The following CACNA1E variants were observed in gnomAD, a reference collection of about 807,000 sequenced individuals.
CACNA1E encodes the protein voltage-dependent R-type calcium channel subunit alpha-1E.
CACNA1E carries 40 observed loss-of-function variants against 259.2 expected under a neutral mutation model. The observed-to-expected ratio is 0.15, with a 90% CI of 0.12 to 0.20. CACNA1E has a LOEUF of 0.20. CACNA1E is among the 10% of genes least tolerant of loss of function. The pLI is 1.00. For synonymous variants in CACNA1E, 1,104 were observed against 1,138.5 expected (o/e 0.97, Z 0.61); for missense variants, 1,874 against 3,040.1 (o/e 0.62, Z 9.02).
At chr1:181,592,570 T>A (rs1378077309) in intron 6 of CACNA1E, among the ~76,000 whole-genome samples, 2 of 151,946 alleles carry the variant, frequency 1.3e-5, no homozygotes, top group African/African-American at 4.8e-5. Flanking sequence ...GGTTTGCGTG[T>A]AATTAGCAGT....
In CACNA1E at chr1:181,401,720, G is replaced by A. The variant is rs183483277; in HGVS notation, c.-14-11413G>A. On this transcript the variant is annotated intron_variant, in intron 1 of 11. Transcript: ENST00000524607. Reference sequence around the variant, plus strand: ...CAACTAGTTTCAGTGAAAACTGCACGGATTTTTATGTAGGAAACATCAGGC... The same window carrying A: ...CAACTAGTTTCAGTGAAAACTGCACAGATTTTTATGTAGGAAACATCAGGC... 2.7e-3 allele frequency among the ~76,000 whole-genome samples: 411 copies of A among 152,242 alleles called. 4 individuals carry two copies. Among genetic ancestry groups the A allele is most frequent in the Non-Finnish European group, 2.6e-3 (178 of 68,014 alleles).
At chr1:181,693,417 A>G (rs186688424) in intron 7 of CACNA1E, among the ~76,000 whole-genome samples, 1 of 152,304 alleles carries the variant, frequency 6.6e-6, no homozygotes, top group African/African-American at 2.4e-5. Flanking sequence ...ATGCCCATCA[A>G]TGGTGGATTG....
chr1:181,610,475 G>A (rs1265951630), intron 6 of CACNA1E, among the ~76,000 whole-genome samples: 1 of 152,238 alleles, frequency 6.6e-6, no homozygotes. Context: ...ACAGAATACA[G>A]TGTGGTCTGT....
At chr1:181,545,696 C>T (rs1256852304) in intron 3 of CACNA1E, among the ~76,000 whole-genome samples, 1 of 152,204 alleles carries the variant, frequency 6.6e-6, no homozygotes, top group Admixed American at 6.5e-5. Flanking sequence ...CCCTGATGGA[C>T]TTCTGTTCAG....
intron 3 of CACNA1E, among the ~76,000 whole-genome samples, chr1:181,573,696 A>G (rs1053983098): frequency 2.0e-5 from 3 of 152,244 alleles, no homozygotes; most frequent in African/African-American, 7.2e-5. Context: ...AATTAGTTCA[A>G]CCACTGTGGA....
intron 2 of CACNA1E, among the ~76,000 whole-genome samples, chr1:181,457,672 G>T (rs1661546990): frequency 6.6e-6 from 1 of 152,260 alleles, no homozygotes; most frequent in African/African-American, 2.4e-5. Context: ...ATAGGGGCAA[G>T]TTCCCTCTGA....
At chr1:181,414,618 G>A (rs949199973) in intron 2 of CACNA1E, among the ~76,000 whole-genome samples, 1 of 152,112 alleles carries the variant, frequency 6.6e-6, no homozygotes, top group Non-Finnish European at 1.5e-5. Flanking sequence ...TTAGAGCCTT[G>A]CATACCTGTC....
chr1:181,534,313 G>A (rs1287234843), intron 3 of CACNA1E, among the ~76,000 whole-genome samples: 1 of 152,054 alleles, frequency 6.6e-6, no homozygotes, highest in African/African-American at 2.4e-5. Context: ...ACATTATTGT[G>A]GGTGCTATTG....
chr1:181,548,579 T>A (rs780417437), intron 3 of CACNA1E, among the ~76,000 whole-genome samples: 5 of 152,208 alleles, frequency 3.3e-5, no homozygotes, highest in Non-Finnish European at 5.9e-5. Context: ...TTGCACATGG[T>A]TGTGCTCATA....
chr1:181,570,113 CTTCTT>C (rs927205774), intron 3 of CACNA1E, among the ~76,000 whole-genome samples: 5 of 151,828 alleles, frequency 3.3e-5, no homozygotes, highest in African/African-American at 1.2e-4. Context: ...TATTATTTCT[CTTCTT>C]CCTCTGTAAC....
In CACNA1E at chr1:181,546,316, A is replaced by G. The variant is rs199749584; in HGVS notation, c.513-31450A>G. 5.9e-5 allele frequency among the ~76,000 whole-genome samples: 9 copies of G among 152,218 alleles called. No individual in the cohort carries two copies. The East Asian group carries it at 1.7e-3, about 29-fold the overall frequency. On this transcript the variant is annotated intron_variant, in intron 3 of 47. Coordinates refer to ENST00000367573, the MANE Select transcript of CACNA1E (RefSeq NM_001205293.3). ...TCGAACCTCTGCCCTGCTGTGTGAG[A>G]GCAGGTAGTGCCCTTCCTCTGCCTT...
chr1:181,783,857 G>GAT, intron 40 of CACNA1E, 73 bp downstream of exon 40: 2 of 963,394 alleles, frequency 2.1e-6, no homozygotes, highest in East Asian at 4.8e-5. Context: ...ACAGGATGGA[G>GAT]ATATTTGAAC....
At chr1:181,399,562 T>C (rs1398382991) in intron 1 of CACNA1E, among the ~76,000 whole-genome samples, 1 of 152,088 alleles carries the variant, frequency 6.6e-6, no homozygotes, top group Non-Finnish European at 1.5e-5. Context: ...AGGGTGGTAA[T>C]GAAATAGTGA....
intron 7 of CACNA1E, among the ~76,000 whole-genome samples, chr1:181,655,707 C>T (rs1318632079): frequency 6.6e-6 from 1 of 152,102 alleles, no homozygotes; most frequent in Non-Finnish European, 1.5e-5. Flanking sequence ...GAACGGAAGT[C>T]TAGGATGACA....
intron 2 of CACNA1E, among the ~76,000 whole-genome samples, chr1:181,467,414 C>T (rs1571937280): frequency 6.6e-6 from 1 of 152,208 alleles, no homozygotes; most frequent in Middle Eastern, 3.4e-3. Flanking sequence ...GAGGGGGAAA[C>T]ATTGTTTTGC....
At chr1:181,394,830 C>T (rs952347727) in intron 1 of CACNA1E, among the ~76,000 whole-genome samples, 3 of 152,042 alleles carry the variant, frequency 2.0e-5, no homozygotes, top group African/African-American at 7.3e-5. Context: ...TGGCATGTTC[C>T]GAGAACAACA....
rs188200315 is a variant in CACNA1E, at chr1:181,328,710, A to G, written c.-15+10587A>G. Among the ~76,000 whole-genome samples, 367 of 152,290 alleles carry G rather than the reference A, an allele frequency of 2.4e-3. 2 individuals are homozygous for G. The highest frequency in any genetic ancestry group is 8.2e-3 in the African/African-American group (342 of 41,568). On this transcript the variant is annotated intron_variant, in intron 1 of 11. Transcript: ENST00000524607. ...GGAGTTGGGAAAGGCTAGAAAAGCC[A>G]TCAGACCACCATGCAAGTCTAACCC... is the stretch of plus-strand genomic sequence containing the variant.
At chr1:181,674,223 C>CAAAAAAAAA (rs58198967) in intron 7 of CACNA1E, among the ~76,000 whole-genome samples, 6 of 88,408 alleles carry the variant, frequency 6.8e-5, no homozygotes, top group African/African-American at 1.5e-4. Flanking sequence ...ACTAAAAATA[C>CAAAAAAAAA]AAAAAAAAAA....
chr1:181,612,284 ATC>A (rs1216967394), intron 6 of CACNA1E, among the ~76,000 whole-genome samples: 2 of 152,208 alleles, frequency 1.3e-5, no homozygotes, highest in Admixed American at 6.5e-5. Flanking sequence ...GCCACTGACT[ATC>A]TCAGTCACGT....
Sources: gnomAD v4.1 joint callset for allele counts (sites outside exome capture counted in the v4.1 genomes callset) on GRCh38, gnomAD v4.1.1 for gene constraint, MANE v1.5 for transcripts, NCBI Gene and HGNC (gene_info 2026-07-23, HGNC 2026-07-21) for gene names.